Variants in ZMYM4 observed in about 807,000 individuals in gnomAD.
ZMYM4 encodes zinc finger MYM-type containing 4, also known as zinc finger MYM-type protein 4.
ZMYM4 carries 31 observed loss-of-function variants against 183.2 expected under a neutral mutation model. The observed-to-expected ratio is 0.17, with a 90% CI of 0.13 to 0.23. The LOEUF is 0.23. Among genes scored for constraint, ZMYM4 ranks in the 10% least tolerant of loss-of-function variants. The pLI is 1.00. For missense variants in ZMYM4, 1,273 were observed against 1,840.3 expected (o/e 0.69, Z 5.64); for synonymous variants, 592 against 631.2 (o/e 0.94, Z 0.93).
chr1:35,295,050 G>A lies in ZMYM4; in HGVS notation c.39+25965G>A, dbSNP rs139148853. The stretch of plus-strand genomic sequence containing the variant: ...ATGCATGAGGAACCATTGTAGGTAC[G>A]GAGGATACAGTAATGAATAAAATGG... On this transcript the variant is annotated intron_variant, in intron 1 of 29. Coordinates refer to ENST00000314607, the MANE Select transcript of ZMYM4 (RefSeq NM_005095.3). Among the ~76,000 whole-genome samples the A allele has an allele frequency of 3.4e-3, 523 of 152,300 alleles. 1 individual carries two copies. Among genetic ancestry groups the A allele is most frequent in the Non-Finnish European group, 4.8e-3 (329 of 68,026 alleles).
intron 25 of ZMYM4, 121 bp downstream of exon 25, chr1:35,405,589 T>C (rs1644988030): frequency 1.3e-6 from 1 of 799,970 alleles, no homozygotes; most frequent in Non-Finnish European, 1.9e-6. Context: ...AAAGAGAAAT[T>C]AATCTTATCC....
chr1:35,386,279 A>T (rs1644574762), intron 11 of ZMYM4, 90 bp downstream of exon 11: 7 of 861,180 alleles, frequency 8.1e-6, no homozygotes, highest in Non-Finnish European at 1.3e-5. Context: ...AATACCCTAG[A>T]CTGGGTAATT....
At chr1:35,300,742 A>G (rs187192731) in intron 1 of ZMYM4, among the ~76,000 whole-genome samples, 1 of 152,230 alleles carries the variant, frequency 6.6e-6, no homozygotes, top group Non-Finnish European at 1.5e-5. Flanking sequence ...CAGTTTGGGT[A>G]CTTTTTATGT....
intron 2 of ZMYM4, among the ~76,000 whole-genome samples, chr1:35,348,358 A>G (rs1278122135): frequency 6.6e-6 from 1 of 152,254 alleles, no homozygotes; most frequent in Non-Finnish European, 1.5e-5. Context: ...TGAGACATAT[A>G]CATGTGTATT....
In ZMYM4 at chr1:35,361,273, A is replaced by G. The variant is rs1247385991; in HGVS notation, c.669+18A>G. The G allele has an allele frequency of 1.9e-6, 3 of 1,590,520 alleles. No individual in the cohort carries two copies. Among genetic ancestry groups the G allele is most frequent in the Non-Finnish European group, 2.6e-6 (3 of 1,170,110 alleles). ...ACTTTAGGGTAAGTTTTCAGTGTGTATGTAGATTGCTGTAACTGTGACAAG... is the reference window on the plus strand; with the variant it reads ...ACTTTAGGGTAAGTTTTCAGTGTGTGTGTAGATTGCTGTAACTGTGACAAG... On this transcript the variant is annotated intron_variant, in intron 4 of 29. Coordinates refer to ENST00000314607, the MANE Select transcript of ZMYM4 (RefSeq NM_005095.3).
At chr1:35,317,739 A>G (rs531343203) in intron 1 of ZMYM4, among the ~76,000 whole-genome samples, 1 of 152,240 alleles carries the variant, frequency 6.6e-6, no homozygotes, top group East Asian at 1.9e-4. Context: ...GGTAATTGTG[A>G]TCATCAGCTA....
At chr1:35,405,286 C>T (rs1448128670) in intron 24 of ZMYM4, 87 bp from the exon 25 acceptor site, 2 of 1,575,822 alleles carry the variant, frequency 1.3e-6, no homozygotes, top group Non-Finnish European at 1.7e-6. Context: ...GTCAAAAACC[C>T]CATAAAACTT....
chr1:35,349,476 T>C (rs949888384), intron 2 of ZMYM4, among the ~76,000 whole-genome samples: 2 of 152,230 alleles, frequency 1.3e-5, no homozygotes, highest in Non-Finnish European at 2.9e-5. Context: ...GGGTTTTTAT[T>C]ATTTAGGAAA....
At chr1:35,343,933 A>G (rs1394729633) in intron 2 of ZMYM4, among the ~76,000 whole-genome samples, 1 of 152,016 alleles carries the variant, frequency 6.6e-6, no homozygotes, top group African/African-American at 2.4e-5. Context: ...TTTTAGAGTC[A>G]ATGTGTAAAT....
chr1:35,346,650 CAAAAAAAAAAAAAAAAAAAA>C (rs1334647710), intron 2 of ZMYM4, among the ~76,000 whole-genome samples: 8 of 54,188 alleles, frequency 1.5e-4, no homozygotes, highest in African/African-American at 3.8e-4. Context: ...GACTCCATCT[CAAAAAAAAAAAAAAAAAAAA>C]GAAAAAAAAA....
At chr1:35,293,549 TC>T (rs1640863095) in intron 1 of ZMYM4, among the ~76,000 whole-genome samples, 1 of 152,142 alleles carries the variant, frequency 6.6e-6, no homozygotes, top group Admixed American at 6.5e-5. Context: ...ACTCCTGACC[TC>T]AGGTGATCCA....
intron 1 of ZMYM4, among the ~76,000 whole-genome samples, chr1:35,311,036 T>G (rs1487585558): frequency 6.6e-6 from 1 of 152,170 alleles, no homozygotes; most frequent in Non-Finnish European, 1.5e-5. Flanking sequence ...TGGGGTGCTT[T>G]CTTTTGTAGT....
chr1:35,284,740 T>G (rs1640384070), intron 1 of ZMYM4, among the ~76,000 whole-genome samples: 1 of 152,224 alleles, frequency 6.6e-6, no homozygotes, highest in South Asian at 2.1e-4. Context: ...TCTCTTGGCT[T>G]GTAGGTAGCC....
At position 35,398,435 on chromosome 1, in the gene ZMYM4, A is replaced by G. The variant is rs1204019440; in HGVS notation, c.3222A>G (p.Glu1074=). 1.2e-6 allele frequency: 2 copies of G among 1,611,286 alleles called. No homozygotes were observed. Among genetic ancestry groups the G allele is most frequent in the Non-Finnish European group, 1.7e-6 (2 of 1,179,062 alleles). The change falls in exon 21 of 30, where the codon GAA becomes GAG. Residue 1074 remains glutamate (E), a synonymous_variant. Transcript: ENST00000314607. ...SQGESQTSEH[E]LFLDTKIFEK... is the part of the protein sequence containing the mutation. ...TAGAGTCCCAAACTTCTGAACACGA[A>G]CTCTTTCTAGACACCAAGATATTTG...
intron 12 of ZMYM4, 39 bp from the exon 13 acceptor site, chr1:35,387,415 C>T: frequency 6.3e-7 from 1 of 1,577,398 alleles, no homozygotes. Flanking sequence ...TAAGACAAAC[C>T]AAATGTTTAA....
intron 1 of ZMYM4, among the ~76,000 whole-genome samples, chr1:35,293,377 GATC>G (rs1640855359): frequency 1.3e-5 from 2 of 151,980 alleles, no homozygotes; most frequent in African/African-American, 4.8e-5. Flanking sequence ...GTAGTGGCAG[GATC>G]TTGGCTCACT....
chr1:35,343,789 G>A (rs1334624290), intron 2 of ZMYM4, among the ~76,000 whole-genome samples: 3 of 151,730 alleles, frequency 2.0e-5, no homozygotes, highest in Admixed American at 6.6e-5. Context: ...GCTTGCACCC[G>A]GGAGGCGGAG....
chr1:35,357,801 A>C (rs1359732767), intron 2 of ZMYM4, among the ~76,000 whole-genome samples: 1 of 152,222 alleles, frequency 6.6e-6, no homozygotes, highest in Non-Finnish European at 1.5e-5. Flanking sequence ...GAAAGGTCTA[A>C]GCTTAAGTGC....
Position 35,359,288 on chromosome 1 carries a change from C to A in ZMYM4, c.449C>A (p.Ser150Ter). 6.2e-7 allele frequency: 1 copy of A among 1,608,512 alleles called. No homozygotes were observed. Among genetic ancestry groups the A allele is most frequent in the South Asian group, 1.1e-5 (1 of 89,272 alleles). ...KQFDQVSVFK[S>*]IRKDFSLVRE... ...TTTGATCAGGTTTCTGTCTTTAAAT[C>A]AATACGGAAAGATTTTAGTCTAGTA... The change falls in exon 3 of 30, where the codon TCA (serine) becomes TAA (stop). Residue 150 changes from serine (S) to a stop codon, truncating the protein, a stop_gained. Coordinates refer to ENST00000314607, the MANE Select transcript of ZMYM4 (RefSeq NM_005095.3). LOFTEE classifies it high-confidence loss of function.
Sources: allele counts gnomAD v4.1 joint callset (sites outside exome capture counted in the v4.1 genomes callset), GRCh38; gene constraint gnomAD v4.1.1; transcripts MANE v1.5; gene names NCBI Gene and HGNC (gene_info 2026-07-23, HGNC 2026-07-21).